Variants in ARHGAP24 observed in about 807,000 individuals in gnomAD.
ARHGAP24 encodes the protein Rho GTPase activating protein 24.
ARHGAP24 carries 50 observed loss-of-function variants against 76.4 expected under a neutral mutation model. That is an observed-to-expected ratio of 0.65 (90% CI 0.52 to 0.83). ARHGAP24 has a LOEUF of 0.83. Ranked by LOEUF, ARHGAP24 falls within the 40% of genes least tolerant of loss-of-function variation. The pLI is 0.00. For synonymous variants in ARHGAP24, 345 were observed against 323.3 expected (o/e 1.07, Z -0.72); for missense variants, 930 against 914.2 (o/e 1.02, Z -0.22).
intron 1 of ARHGAP24, among the ~76,000 whole-genome samples, chr4:85,566,999 G>T (rs190511759): frequency 6.6e-6 from 1 of 152,246 alleles, no homozygotes; most frequent in Admixed American, 6.5e-5. Context: ...AGACAAGAGT[G>T]GTTAAGTATG....
intron 5 of ARHGAP24, among the ~76,000 whole-genome samples, chr4:85,966,660 A>G (rs1738627011): frequency 6.6e-6 from 1 of 152,198 alleles, no homozygotes. Context: ...GGCAAAGCAG[A>G]GGACTGCTTA....
chr4:85,952,364 T>C (rs554286740), intron 5 of ARHGAP24, among the ~76,000 whole-genome samples: 1 of 152,324 alleles, frequency 6.6e-6, no homozygotes, highest in South Asian at 2.1e-4. Flanking sequence ...TTCTGCCCCA[T>C]TTGTTTTCAA....
At chr4:85,936,785 A>T (rs1054228954) in intron 4 of ARHGAP24, among the ~76,000 whole-genome samples, 1 of 152,160 alleles carries the variant, frequency 6.6e-6, no homozygotes, top group African/African-American at 2.4e-5. Context: ...CTCTTACAGG[A>T]TAAGGTTTCC....
chr4:85,733,060 C>CTTGTTTTTTTTTTT (rs1725470586), intron 3 of ARHGAP24, among the ~76,000 whole-genome samples: 1 of 55,206 alleles, frequency 1.8e-5, no homozygotes, highest in Admixed American at 3.9e-4. Flanking sequence ...GCCTCACCAA[C>CTTGTTTTTTTTTTT]TTTTTTTTTT....
At chr4:85,861,576 A>G (rs973024326) in intron 3 of ARHGAP24, among the ~76,000 whole-genome samples, 2 of 152,096 alleles carry the variant, frequency 1.3e-5, no homozygotes, top group African/African-American at 4.8e-5. Context: ...GCATGTTGCC[A>G]ATGTATACAG....
chr4:85,662,176 C>T (rs1175436683), intron 2 of ARHGAP24, among the ~76,000 whole-genome samples: 1 of 152,150 alleles, frequency 6.6e-6, no homozygotes, highest in African/African-American at 2.4e-5. Flanking sequence ...TCTCCAGCAC[C>T]TGTTGTTTCC....
intron 3 of ARHGAP24, among the ~76,000 whole-genome samples, chr4:85,878,548 A>T (rs1052736124): frequency 6.6e-6 from 1 of 152,196 alleles, no homozygotes; most frequent in African/African-American, 2.4e-5. Flanking sequence ...AATAGATGAA[A>T]GTCAATCCAA....
chr4:85,571,015 T>C (rs1462108443), intron 2 of ARHGAP24: 1 of 301,232 alleles, frequency 3.3e-6, no homozygotes, highest in Admixed American at 4.5e-5. Context: ...TTAGTAGACA[T>C]CTGCTAAAAG....
intron 3 of ARHGAP24, among the ~76,000 whole-genome samples, chr4:85,728,418 ATCTG>A (rs982572271): frequency 1.3e-5 from 2 of 152,104 alleles, no homozygotes; most frequent in Non-Finnish European, 2.9e-5. Context: ...ATTTTAGCTA[ATCTG>A]TCTATGTTCC....
In ARHGAP24 at chr4:85,617,449, T is replaced by G. The variant is rs924722278; in HGVS notation, c.180+46728T>G. Among the ~76,000 whole-genome samples, 13 of 152,020 alleles carry G rather than the reference T, an allele frequency of 8.6e-5. 1 individual carries two copies. Among genetic ancestry groups the G allele is most frequent in the Admixed American group, 7.9e-4 (12 of 15,252 alleles). ...ACACGCAATCATGCACATATATTGTTCCTCTTTGTTATAAAGCAGCTACAC... is the reference window on the plus strand; with the variant it reads ...ACACGCAATCATGCACATATATTGTGCCTCTTTGTTATAAAGCAGCTACAC... On this transcript the variant is annotated intron_variant, in intron 2 of 9. Transcript: ENST00000395184.
At chr4:85,684,111 T>C (rs915883874) in intron 2 of ARHGAP24, among the ~76,000 whole-genome samples, 2 of 152,232 alleles carry the variant, frequency 1.3e-5, no homozygotes, top group Admixed American at 6.5e-5. Context: ...TTGAGATAAG[T>C]ACCCAGAAGT....
intron 5 of ARHGAP24, among the ~76,000 whole-genome samples, chr4:85,962,598 T>C (rs955801943): frequency 6.6e-6 from 1 of 152,018 alleles, no homozygotes; most frequent in Admixed American, 6.6e-5. Flanking sequence ...CACCTGAAAA[T>C]AGGTCACCTG....
intron 2 of ARHGAP24, among the ~76,000 whole-genome samples, chr4:85,606,537 G>T (rs1042418140): frequency 4.6e-5 from 7 of 151,576 alleles, no homozygotes; most frequent in Admixed American, 3.9e-4. Flanking sequence ...AAAAGAAAAA[G>T]GATAAGATAA....
chr4:85,755,655 C>T lies in ARHGAP24; in HGVS notation c.268+33683C>T, dbSNP rs1310539475. On this transcript the variant is annotated intron_variant, in intron 3 of 9. Transcript: ENST00000395184. Reference sequence around the variant, plus strand: ...TGTTTTGTTTTGTTTTGTTTTGAGACGGAGTCTCGTTCTGTTGCCCAGGCT... The same window carrying T: ...TGTTTTGTTTTGTTTTGTTTTGAGATGGAGTCTCGTTCTGTTGCCCAGGCT... Among the ~76,000 whole-genome samples the T allele has an allele frequency of 5.4e-4, 9 of 16,658 alleles. No homozygotes were observed. The East Asian group carries it at 8.2e-3, about 15-fold the overall frequency. The allele number at this position is 16,658 out of a possible 152,430, so 10.9% of individuals were successfully genotyped here. A position where few individuals can be genotyped will look rare whatever the true frequency, so the allele number is the denominator to read the frequency against.
chr4:85,656,240 T>G (rs994626006), intron 2 of ARHGAP24, among the ~76,000 whole-genome samples: 1 of 152,150 alleles, frequency 6.6e-6, no homozygotes, highest in African/African-American at 2.4e-5. Context: ...AATGAAAAGA[T>G]AAAACAATTT....
chr4:85,924,471 A>G (rs1735905217), intron 4 of ARHGAP24, among the ~76,000 whole-genome samples: 1 of 152,158 alleles, frequency 6.6e-6, no homozygotes, highest in South Asian at 2.1e-4. Flanking sequence ...AAAGCACAAA[A>G]TTATTTATCT....
Position 85,623,052 on chromosome 4 carries a change from G to T in ARHGAP24, c.180+52331G>T, listed in dbSNP as rs1438528615. On this transcript the variant is annotated intron_variant, in intron 2 of 9. Coordinates refer to ENST00000395184, the MANE Select transcript of ARHGAP24 (RefSeq NM_001025616.3). ...TTTTCTCCCATTCTGTAGGTTGCCTGTTCACTCTCATGTAGTTTCTTTTGC... is the reference window on the plus strand; with the variant it reads ...TTTTCTCCCATTCTGTAGGTTGCCTTTTCACTCTCATGTAGTTTCTTTTGC... 5.9e-5 allele frequency among the ~76,000 whole-genome samples: 9 copies of T among 152,272 alleles called. No homozygotes were observed. The South Asian group carries it at 1.0e-3, about 18-fold the overall frequency.
At chr4:85,508,251 A>G (rs1724140758) in intron 1 of ARHGAP24, among the ~76,000 whole-genome samples, 1 of 152,210 alleles carries the variant, frequency 6.6e-6, no homozygotes, top group Non-Finnish European at 1.5e-5. Flanking sequence ...ACTGATTCAA[A>G]AATACCCTAA....
At chr4:85,803,427 T>C (rs1728658402) in intron 3 of ARHGAP24, among the ~76,000 whole-genome samples, 1 of 152,244 alleles carries the variant, frequency 6.6e-6, no homozygotes, top group South Asian at 2.1e-4. Context: ...TCTTCCCTAT[T>C]ACTGGAATGA....
Sources: gnomAD v4.1 joint callset for allele counts (sites outside exome capture counted in the v4.1 genomes callset) on GRCh38, gnomAD v4.1.1 for gene constraint, MANE v1.5 for transcripts, NCBI Gene and HGNC (gene_info 2026-07-23, HGNC 2026-07-21) for gene names.